The following PARD3 variants were observed in gnomAD, a reference collection of about 807,000 sequenced individuals.
PARD3 encodes partitioning defective 3 homolog.
A neutral mutation model predicts 155.4 loss-of-function variants in PARD3; 75 were observed. The ratio of observed to expected loss-of-function variants is 0.48; its 90% CI spans 0.40 to 0.58. The LOEUF (loss-of-function observed/expected upper bound fraction) is 0.58, where lower values mean the gene tolerates loss of function less well. Ranked by LOEUF, PARD3 falls within the 20% of genes least tolerant of loss-of-function variation. PARD3 has a pLI of 0.00. For missense variants in PARD3, 1,642 were observed against 1,721.7 expected (o/e 0.95, Z 0.82); for synonymous variants, 576 against 610.5 (o/e 0.94, Z 0.83).
chr10:34,231,266 CAAA>C (rs57175956), intron 22 of PARD3, among the ~76,000 whole-genome samples: 56 of 81,844 alleles, frequency 6.8e-4, no homozygotes, highest in Non-Finnish European at 1.1e-3. Context: ...TAATCTTAGG[CAAA>C]AAAAAAAAAA....
intron 12 of PARD3, among the ~76,000 whole-genome samples, chr10:34,363,297 AAAG>A (rs1452469850): frequency 6.8e-6 from 1 of 147,040 alleles, no homozygotes; most frequent in Non-Finnish European, 1.5e-5. Flanking sequence ...AACCTGTTTT[AAAG>A]AAGAGCATAT....
rs1339350344 is a variant in PARD3 at position 34,401,895 on chromosome 10, T to C, written c.737A>G (p.Asp246Gly). ...QEQDEDGTEE[D>G]NSRVEPVGHA... ...TCCAACAGGTTCAACACGACTGTTA[T>C]CCTCTTCTGTCCCATCCTCATCCTA... is the stretch of plus-strand genomic sequence containing the variant. Residue 246 changes from aspartate (D) to glycine (G), a missense_variant, in exon 6 of 25, where the codon GAT becomes GGT. Asp to Gly is a moderately conservative substitution (Grantham distance 94). Transcript: ENST00000374788. 3.1e-6 allele frequency: 5 copies of C among 1,613,432 alleles called. No homozygotes were observed. The African/African-American group carries it at 4.0e-5, about 13-fold the overall frequency.
intron 22 of PARD3, among the ~76,000 whole-genome samples, chr10:34,188,361 G>A (rs1205245144): frequency 2.0e-5 from 3 of 152,114 alleles, no homozygotes; most frequent in Admixed American, 1.3e-4. Context: ...TTTAACTCAG[G>A]AATGTGTCTC....
intron 2 of PARD3, chr10:34,675,978 G>C (rs2093697759): frequency 6.5e-6 from 1 of 154,294 alleles, no homozygotes; most frequent in East Asian, 1.8e-4. Flanking sequence ...GTGGTCTTCA[G>C]CACCGCTTGT....
chr10:34,707,005 G>A (rs1433703191), intron 1 of PARD3, among the ~76,000 whole-genome samples: 1 of 152,006 alleles, frequency 6.6e-6, no homozygotes, highest in Admixed American at 6.6e-5. Flanking sequence ...TAGCACTTTG[G>A]GAGGCTGAGG....
rs35263377 is a variant in PARD3 at position 34,375,053 on chromosome 10, AACACACACACACACACACACACACACAC to A, written c.1540-79_1540-52del. 7.7e-6 allele frequency: 6 copies of A among 782,488 alleles called. 1 individual carries two copies. Among genetic ancestry groups the A allele is most frequent in the Middle Eastern group, 3.2e-4 (1 of 3,124 alleles). The allele number at this position is 782,488 out of a possible 1,614,324, so 48.5% of individuals were successfully genotyped here. ...TGTAATCCTGTGGAAACAACAGGAA[AACACACACACACACACACACACACACAC>A]ACACACACACACACTCTAGGACTAG... is the stretch of plus-strand genomic sequence containing the variant. On this transcript the variant is annotated intron_variant, in intron 10 of 24. Coordinates refer to ENST00000374788, the MANE Select transcript of PARD3 (RefSeq NM_001184785.2).
intron 2 of PARD3, among the ~76,000 whole-genome samples, chr10:34,656,333 T>C (rs1564467761): frequency 6.6e-6 from 1 of 152,224 alleles, no homozygotes; most frequent in Non-Finnish European, 1.5e-5. Flanking sequence ...ATATTGTCAG[T>C]AAAGGTTTTA....
chr10:34,402,241 T>A (rs1344117351), intron 5 of PARD3, among the ~76,000 whole-genome samples: 1 of 152,182 alleles, frequency 6.6e-6, no homozygotes, highest in African/African-American at 2.4e-5. Context: ...CATGTATATT[T>A]TAGGAAGTAA....
intron 20 of PARD3, among the ~76,000 whole-genome samples, chr10:34,304,209 T>C (rs943610986): frequency 6.6e-6 from 1 of 151,952 alleles, no homozygotes; most frequent in African/African-American, 2.4e-5. Flanking sequence ...TAAGAATTAT[T>C]TTGGTGCCAG....
rs1413495077 is a variant in PARD3, at chr10:34,408,331, T to TA, written c.715-6415dup. 4.6e-5 allele frequency among the ~76,000 whole-genome samples: 7 copies of TA among 152,232 alleles called. No individual in the cohort carries two copies. In the South Asian group the frequency reaches 8.3e-4, roughly 18 times the overall value. ...ATTTTAATGAGTTCAAATATATTGC[T>TA]AAAAAAACACTCAACTAAATGTTCT... On this transcript the variant is annotated intron_variant, in intron 5 of 24. Transcript: ENST00000374788.
chr10:34,776,947 C>T (rs1417406627), intron 1 of PARD3, among the ~76,000 whole-genome samples: 1 of 151,376 alleles, frequency 6.6e-6, no homozygotes, highest in Non-Finnish European at 1.5e-5. Context: ...AGCGATTCTC[C>T]TGCCTCAGCC....
At chr10:34,236,283 T>C (rs1953228071) in intron 22 of PARD3, among the ~76,000 whole-genome samples, 1 of 152,144 alleles carries the variant, frequency 6.6e-6, no homozygotes, top group Non-Finnish European at 1.5e-5. Context: ...TAGACACCAT[T>C]TACTGGGCTA....
At chr10:34,273,998 C>A (rs974955025) in intron 21 of PARD3, among the ~76,000 whole-genome samples, 7 of 152,150 alleles carry the variant, frequency 4.6e-5, no homozygotes, top group Non-Finnish European at 8.8e-5. Context: ...TGGTCACAGC[C>A]ACATGTAATC....
chr10:34,534,620 G>A (rs1456675467), intron 2 of PARD3, among the ~76,000 whole-genome samples: 1 of 152,170 alleles, frequency 6.6e-6, no homozygotes, highest in African/African-American at 2.4e-5. Flanking sequence ...TGCAGACAGT[G>A]AACAAAATCA....
At chr10:34,324,744 T>C (rs970884985) in intron 19 of PARD3, among the ~76,000 whole-genome samples, 1 of 152,104 alleles carries the variant, frequency 6.6e-6, no homozygotes, top group Non-Finnish European at 1.5e-5. Flanking sequence ...TTTCTGAGCC[T>C]GGAAGTGCTA....
At chr10:34,615,343 C>A (rs2091182944) in intron 2 of PARD3, among the ~76,000 whole-genome samples, 1 of 152,142 alleles carries the variant, frequency 6.6e-6, no homozygotes. Context: ...TGATTTTCAA[C>A]AAAGGCAAAA....
At chr10:34,345,575 AC>A (rs767294950) in intron 15 of PARD3, 25 of 985,118 alleles carry the variant, frequency 2.5e-5, no homozygotes, top group Non-Finnish European at 3.0e-5. Flanking sequence ...GCGCCTAGAT[AC>A]TGTGCAAATC....
At chr10:34,323,210 A>T (rs758919507) in intron 19 of PARD3, among the ~76,000 whole-genome samples, 12 of 152,230 alleles carry the variant, frequency 7.9e-5, no homozygotes, top group Non-Finnish European at 1.5e-4. Flanking sequence ...AAGATGTAGG[A>T]AATGAACAGC....
rs77348047 is a variant in PARD3, at chr10:34,173,665, T to C, written c.3420-42082A>G. Among the ~76,000 whole-genome samples the C allele has an allele frequency of 7.8e-4, 119 of 152,234 alleles. No individual in the cohort carries two copies. In the East Asian group the frequency reaches 0.018, roughly 22 times the overall value. ...GCTAGGAAAAGTGTTTATCAAACCC[T>C]CCAACATCCCAGCCATCATTCTCAC... On this transcript the variant is annotated intron_variant, in intron 22 of 24. Coordinates refer to ENST00000374788, the MANE Select transcript of PARD3 (RefSeq NM_001184785.2).
Sources: gnomAD v4.1 joint callset for allele counts (sites outside exome capture counted in the v4.1 genomes callset) on GRCh38, gnomAD v4.1.1 for gene constraint, MANE v1.5 for transcripts, NCBI Gene and HGNC (gene_info 2026-07-23, HGNC 2026-07-21) for gene names.